NEK9: variants seen among roughly 807,000 people sequenced by gnomAD.
The protein encoded by NEK9 is serine/threonine-protein kinase Nek9.
NEK9 carries 75 observed loss-of-function variants against 123.4 expected under a neutral mutation model. The ratio of observed to expected loss-of-function variants is 0.61; its 90% CI spans 0.50 to 0.74. The LOEUF is 0.74. Among genes scored for constraint, NEK9 ranks in the 30% least tolerant of loss-of-function variants. NEK9 has a pLI of 0.00. For synonymous variants in NEK9, 438 were observed against 458.7 expected (o/e 0.95, Z 0.58); for missense variants, 952 against 1,214.4 (o/e 0.78, Z 3.21).
intron 17 of NEK9, among the ~76,000 whole-genome samples, chr14:75,096,446 C>A (rs1894386988): frequency 6.6e-6 from 1 of 152,148 alleles, no homozygotes; most frequent in Non-Finnish European, 1.5e-5. Flanking sequence ...TTTAAAGTTT[C>A]TTTTAAAGGA....
chr14:75,091,356 G>T lies in NEK9; in HGVS notation c.2356C>A (p.Arg786=). The change falls in exon 19 of 22, where the codon CGA becomes AGA. Residue 786 remains arginine (R), a synonymous_variant. Transcript: ENST00000238616. The part of the protein sequence containing the change: ...GGFRGTMEAD[R]GMEGLISPTE... ...GGACTGATTAAACCTTCCATTCCTC[G>T]GTCTGCTTCCATTGTTCCTCGGAAG... The T allele has an allele frequency of 6.2e-7, 1 of 1,613,966 alleles. No individual in the cohort carries two copies. Among genetic ancestry groups the T allele is most frequent in the South Asian group, 1.1e-5 (1 of 91,058 alleles).
intron 6 of NEK9, among the ~76,000 whole-genome samples, chr14:75,115,005 A>C (rs1419702777): frequency 2.0e-5 from 3 of 151,216 alleles, no homozygotes; most frequent in African/African-American, 7.3e-5. Flanking sequence ...ACACACATAC[A>C]TATACACACA....
intron 16 of NEK9, 63 bp downstream of exon 16, chr14:75,100,929 C>G (rs1021269680): frequency 8.5e-6 from 13 of 1,522,316 alleles, no homozygotes; most frequent in Admixed American, 6.2e-5. Context: ...CATTTCTTTC[C>G]CAGCCAAGAA....
intron 14 of NEK9, among the ~76,000 whole-genome samples, chr14:75,103,077 C>T (rs374824428): frequency 2.6e-5 from 4 of 151,726 alleles, no homozygotes; most frequent in Admixed American, 2.0e-4. Flanking sequence ...TAGCATTAGG[C>T]GATATACCTA....
At chr14:75,098,956 T>TA (rs1894474463) in intron 16 of NEK9, among the ~76,000 whole-genome samples, 1 of 152,182 alleles carries the variant, frequency 6.6e-6, no homozygotes, top group South Asian at 2.1e-4. Flanking sequence ...AAGTCTGACC[T>TA]AAACAGTTTG....
At chr14:75,105,026 T>C (rs745754192) in intron 13 of NEK9, among the ~76,000 whole-genome samples, 82 of 152,312 alleles carry the variant, frequency 5.4e-4, no homozygotes, top group Non-Finnish European at 1.1e-3. Context: ...CTGGTCATTT[T>C]ATAGGAGAGG....
chr14:75,106,395 A>C (rs773756376), intron 12 of NEK9, 107 bp downstream of exon 12: 17 of 833,470 alleles, frequency 2.0e-5, no homozygotes, highest in Non-Finnish European at 3.2e-5. Flanking sequence ...AGATTTACTG[A>C]ATTAACACTT....
chr14:75,106,185 C>T, intron 12 of NEK9, 189 bp from the exon 13 acceptor site: 1 of 603,940 alleles, frequency 1.7e-6, no homozygotes, highest in East Asian at 2.9e-5. Flanking sequence ...TGGTGAAACC[C>T]CATCTCTACT....
At chr14:75,117,581 C>T (rs945827167) in intron 5 of NEK9, among the ~76,000 whole-genome samples, 1 of 152,164 alleles carries the variant, frequency 6.6e-6, no homozygotes, top group Non-Finnish European at 1.5e-5. Context: ...CTCAATAGCT[C>T]TGTGATTCCT....
chr14:75,093,931 G>A (rs1272050123), intron 18 of NEK9, among the ~76,000 whole-genome samples: 2 of 152,078 alleles, frequency 1.3e-5, no homozygotes, highest in East Asian at 3.8e-4. Context: ...ACTGTTCTAG[G>A]GAAGTAGATA....
At chr14:75,117,360 C>A in intron 5 of NEK9, 34 bp from the exon 6 acceptor site, 1 of 1,582,150 alleles carries the variant, frequency 6.3e-7, no homozygotes, top group East Asian at 2.3e-5. Context: ...AGAATAACTT[C>A]TTTTCTGAGG....
rs1594816684 is a variant in NEK9, at chr14:75,082,715, C to T, written c.*1849G>A. ...GCAATCCTCATGATGAACACCCAAA[C>T]TGACCCAGCCTCTCAGGCCTGCTGA... is the stretch of plus-strand genomic sequence containing the variant. On this transcript the variant is annotated 3_prime_UTR_variant, in exon 22 of 22. Coordinates refer to ENST00000238616, the MANE Select transcript of NEK9 (RefSeq NM_033116.6). The T allele has an allele frequency of 1.2e-5, 4 of 340,262 alleles. No homozygotes were observed. In the East Asian group the frequency reaches 1.7e-4, roughly 15 times the overall value. 21.1% of individuals were successfully genotyped at this position (340,262 alleles called of 1,614,324 possible).
chr14:75,105,312 A>G (rs922296829), intron 13 of NEK9, among the ~76,000 whole-genome samples: 7 of 151,912 alleles, frequency 4.6e-5, no homozygotes, highest in Non-Finnish European at 8.8e-5. Flanking sequence ...AAGGAAAGAA[A>G]AAAAAAAAAG....
intron 14 of NEK9, among the ~76,000 whole-genome samples, chr14:75,103,602 T>C (rs1232581107): frequency 6.6e-6 from 1 of 152,202 alleles, no homozygotes; most frequent in Non-Finnish European, 1.5e-5. Flanking sequence ...CCTCCTTCAA[T>C]AAGTAGCCAC....
Position 75,121,114 on chromosome 14 carries a change from A to G in NEK9, c.453+5T>C. On this transcript the variant is annotated splice_donor_5th_base_variant and intron_variant, in intron 3 of 21. Transcript: ENST00000238616. ...CTAACTTCCTTCCACAGAAATATGA[A>G]TTACCTCTTCCTCAAACAACTTGTC... The G allele has an allele frequency of 6.2e-7, 1 of 1,608,284 alleles. No individual in the cohort carries two copies. The highest frequency in any genetic ancestry group is 8.5e-7 in the Non-Finnish European group (1 of 1,174,712).
At chr14:75,112,822 G>A (rs1327367148) in intron 8 of NEK9, among the ~76,000 whole-genome samples, 1 of 151,972 alleles carries the variant, frequency 6.6e-6, no homozygotes, top group Non-Finnish European at 1.5e-5. Context: ...CTCTGTCTCA[G>A]AAAACAAACA....
At chr14:75,095,069 T>C (rs1894337711) in intron 18 of NEK9, among the ~76,000 whole-genome samples, 2 of 152,182 alleles carry the variant, frequency 1.3e-5, no homozygotes, top group African/African-American at 4.8e-5. Flanking sequence ...AGTAGAGGAC[T>C]CATTACCCCC....
At chr14:75,111,718 TTGTCTCTACTAAAAATACAAAA>T (rs1894963932) in intron 8 of NEK9, among the ~76,000 whole-genome samples, 3 of 152,028 alleles carry the variant, frequency 2.0e-5, no homozygotes, top group African/African-American at 7.3e-5. Context: ...TAGTAAAACC[TTGTCTCTACTAAAAATACAAAA>T]ACTAGCCAGG....
chr14:75,097,120 C>A lies in NEK9; in HGVS notation c.2153G>T (p.Trp718Leu). The A allele has an allele frequency of 6.2e-7, 1 of 1,609,188 alleles. No individual in the cohort carries two copies. Among genetic ancestry groups the A allele is most frequent in the African/African-American group, 1.3e-5 (1 of 74,790 alleles). ...CTTACCAACGATGAGAATGGTATGCCATCCACGGCAAGACAGGTCCGGGAC... is the reference window on the plus strand; with the variant it reads ...CTTACCAACGATGAGAATGGTATGCAATCCACGGCAAGACAGGTCCGGGAC... ...HHVPDLSCRG[W>L]HTILIVEKVL... The change falls in exon 17 of 22, where the codon TGG becomes TTG. Residue 718 changes from tryptophan (W) to leucine (L), a missense_variant. Transcript: ENST00000238616.
Sources: gnomAD v4.1 joint callset for allele counts (sites outside exome capture counted in the v4.1 genomes callset) on GRCh38, gnomAD v4.1.1 for gene constraint, MANE v1.5 for transcripts, NCBI Gene and HGNC (gene_info 2026-07-23, HGNC 2026-07-21) for gene names.